Variants in CPNE2 observed in about 807,000 individuals in gnomAD.
CPNE2 encodes the protein copine-2.
A neutral mutation model predicts 69.7 loss-of-function variants in CPNE2; 42 were observed. That is an observed-to-expected ratio of 0.60 (90% CI 0.47 to 0.78). CPNE2 has a LOEUF of 0.78. Ranked by LOEUF, CPNE2 falls within the 30% of genes least tolerant of loss-of-function variation. The pLI is 0.00. For missense variants in CPNE2, 587 were observed against 732.0 expected, an observed-to-expected ratio of 0.80 and a Z score of 2.29; for synonymous variants, 294 against 289.8, an observed-to-expected ratio of 1.01 and a Z score of -0.15.
chr16:57,108,108 G>A (rs545078132), intron 1 of CPNE2, among the ~76,000 whole-genome samples: 1 of 152,234 alleles, frequency 6.6e-6, no homozygotes, highest in African/African-American at 2.4e-5. Context: ...GACTTCAAGT[G>A]ATCCACCTGC....
intron 13 of CPNE2, among the ~76,000 whole-genome samples, chr16:57,135,703 G>A (rs565602770): frequency 2.6e-5 from 4 of 151,374 alleles, no homozygotes; most frequent in South Asian, 4.2e-4. Flanking sequence ...GTGAAACCCC[G>A]TCTGTACTAA....
chr16:57,127,108 C>T lies in CPNE2; in HGVS notation c.1062-741C>T, dbSNP rs117892711. Among the ~76,000 whole-genome samples, 1,417 of 152,226 alleles carry T rather than the reference C, an allele frequency of 9.3e-3. 8 individuals are homozygous for T. The highest frequency in any genetic ancestry group is 0.015 in the Non-Finnish European group (1,024 of 68,014). On this transcript the variant is annotated intron_variant, in intron 11 of 15. Coordinates refer to ENST00000290776, the MANE Select transcript of CPNE2 (RefSeq NM_152727.6). ...AAGAGGAAGATAAGGAAGAAATCGT[C>T]GGAGTTCTGAGAGACCAGTTTACAT...
rs1327599039 is a variant in CPNE2, at chr16:57,146,258, C to T, written c.1476C>T (p.Ser492=). The T allele has an allele frequency of 1.3e-6, 2 of 1,557,698 alleles. No individual in the cohort carries two copies. The highest frequency in any genetic ancestry group is 1.4e-5 in the African/African-American group (1 of 73,386). The part of the protein sequence containing the change: ...FLDGDSRMLR[S]HTGEEAARDI... ...ATGGGGACAGCCGCATGCTGCGCTCCCACACGGGGGAGGAGGCAGCCCGCG... is the reference window on the plus strand; with the variant it reads ...ATGGGGACAGCCGCATGCTGCGCTCTCACACGGGGGAGGAGGCAGCCCGCG... The change falls in exon 15 of 16, where the codon TCC becomes TCT. Residue 492 remains serine, a synonymous_variant. Coordinates refer to ENST00000290776, the MANE Select transcript of CPNE2 (RefSeq NM_152727.6). The surrounding 1 kb of genome is among the most constrained non-coding windows in gnomAD (Gnocchi z 4.4).
intron 7 of CPNE2, among the ~76,000 whole-genome samples, chr16:57,120,725 A>G (rs1389902005): frequency 6.6e-6 from 1 of 152,164 alleles, no homozygotes; most frequent in Non-Finnish European, 1.5e-5. Flanking sequence ...CTCAGACAGC[A>G]TATAAAGCTG....
At chr16:57,098,404 C>T (rs1483605676) in intron 1 of CPNE2, among the ~76,000 whole-genome samples, 1 of 152,220 alleles carries the variant, frequency 6.6e-6, no homozygotes, top group Non-Finnish European at 1.5e-5. Context: ...AGCCTGCTCC[C>T]CGGGGGCTGC....
At chr16:57,137,306 T>C (rs1226534837) in intron 14 of CPNE2, 24 bp downstream of exon 14, 5 of 1,613,410 alleles carry the variant, frequency 3.1e-6, no homozygotes, top group Non-Finnish European at 4.2e-6. Context: ...TGCAAGCCAG[T>C]CATGCCAGGA....
chr16:57,125,632 A>C, intron 10 of CPNE2: 1 of 572,666 alleles, frequency 1.7e-6, no homozygotes, highest in Non-Finnish European at 3.1e-6. Flanking sequence ...TTATGTCATC[A>C]CATCTAGGCA....
In CPNE2 at chr16:57,117,518, A is replaced by G. The variant is rs1289770263; in HGVS notation, c.458A>G (p.Asp153Gly). 2 of 1,613,876 alleles carry G rather than the reference A, an allele frequency of 1.2e-6. No homozygotes were observed. Among genetic ancestry groups the G allele is most frequent in the Admixed American group, 1.7e-5 (1 of 59,990 alleles). The part of the protein sequence containing the change: ...LITIAAQELS[D>G]NRVITLSLAG... ...CAGATCGCTGCCCAGGAGCTGTCCGACAACCGCGTCATCACACTAAGCCTG... is the reference window on the plus strand; with the variant it reads ...CAGATCGCTGCCCAGGAGCTGTCCGGCAACCGCGTCATCACACTAAGCCTG... The change falls in exon 5 of 16, where the codon GAC (aspartate) becomes GGC (glycine). Residue 153 changes from aspartate to glycine, a missense_variant. By Grantham distance (94) the Asp-to-Gly change is moderately conservative. Coordinates refer to ENST00000290776, the MANE Select transcript of CPNE2 (RefSeq NM_152727.6).
Position 57,146,480 on chromosome 16 carries a change from G to A in CPNE2, c.1539+159G>A. The A allele has an allele frequency of 1.5e-6, 1 of 660,578 alleles. No homozygotes were observed. The highest frequency in any genetic ancestry group is 2.6e-6 in the Non-Finnish European group (1 of 390,512). The allele number at this position is 660,578 out of a possible 1,614,324, so 40.9% of individuals were successfully genotyped here. A position where few individuals can be genotyped will look rare whatever the true frequency, so the allele number is the denominator to read the frequency against. The stretch of plus-strand genomic sequence containing the variant: ...GGGCCTGCCATGTGCCAGGCGCCGT[G>A]CCAGGCCTTGCCCCGGTGGTGGCCA... On this transcript the variant is annotated intron_variant, in intron 15 of 15. Transcript: ENST00000290776. This position sits in a 1 kb window ranked among gnomAD's most constrained non-coding sequence, Gnocchi z 4.4.
intron 14 of CPNE2, among the ~76,000 whole-genome samples, chr16:57,138,135 G>T (rs2069896487): frequency 1.3e-5 from 2 of 152,190 alleles, no homozygotes; most frequent in African/African-American, 4.8e-5. Context: ...CCCAGATGCT[G>T]GTCTGGGTTG....
chr16:57,121,277 C>A, intron 8 of CPNE2, 86 bp downstream of exon 8: 1 of 1,109,640 alleles, frequency 9.0e-7, no homozygotes, highest in Non-Finnish European at 1.3e-6. Flanking sequence ...CAGCCTGGGG[C>A]TGAGATCCCC....
intron 14 of CPNE2, among the ~76,000 whole-genome samples, chr16:57,138,370 C>T (rs1182291977): frequency 2.6e-5 from 4 of 152,192 alleles, no homozygotes. Context: ...CCTCACACCA[C>T]CAGTCCACAA....
At chr16:57,122,627 G>A (rs1226223418) in intron 9 of CPNE2, among the ~76,000 whole-genome samples, 1 of 152,112 alleles carries the variant, frequency 6.6e-6, no homozygotes, top group Non-Finnish European at 1.5e-5. Context: ...GAGTCTCACT[G>A]TGTTGCCCAG....
intron 1 of CPNE2, among the ~76,000 whole-genome samples, chr16:57,104,090 T>C (rs559310975): frequency 2.4e-4 from 36 of 152,222 alleles, no homozygotes; most frequent in African/African-American, 8.4e-4. Context: ...CTAATTTTTG[T>C]ATTTTTAGTA....
chr16:57,125,646 G>A lies in CPNE2; in HGVS notation c.928-214G>A, dbSNP rs1050871682. The A allele has an allele frequency of 1.5e-5, 9 of 601,422 alleles. No individual in the cohort carries two copies. In the South Asian group the frequency reaches 1.8e-4, roughly 12 times the overall value. The allele number at this position is 601,422 out of a possible 1,614,324, so 37.3% of individuals were successfully genotyped here. ...CTTATGTCATCACATCTAGGCAGTG[G>A]ACTTTATGCTTGGGCAATAGAGAGC... On this transcript the variant is annotated intron_variant, in intron 10 of 15. Transcript: ENST00000290776.
chr16:57,102,127 A>AT (rs1355213616), intron 1 of CPNE2, among the ~76,000 whole-genome samples: 1 of 150,614 alleles, frequency 6.6e-6, no homozygotes, highest in Admixed American at 6.6e-5. Context: ...TTTTTTTGCC[A>AT]TTTTTTGTAG....
At position 57,146,011 on chromosome 16, in the gene CPNE2, G is replaced by A. The variant is rs2069954344; in HGVS notation, c.1303-74G>A. 1.6e-6 allele frequency: 2 copies of A among 1,284,916 alleles called. No homozygotes were observed. Among genetic ancestry groups the A allele is most frequent in the South Asian group, 2.6e-5 (2 of 77,808 alleles). 79.6% of individuals were successfully genotyped at this position (1,284,916 alleles called of 1,614,324 possible). A position where few individuals can be genotyped will look rare whatever the true frequency, so the allele number is the denominator to read the frequency against. ...CTTCCTCCAGGACTCGGAGGGTTTG[G>A]GATGAAGGAGGGAGGGAGAAGGGGT... On this transcript the variant is annotated intron_variant, in intron 14 of 15. Coordinates refer to ENST00000290776, the MANE Select transcript of CPNE2 (RefSeq NM_152727.6). This position sits in a 1 kb window ranked among gnomAD's most constrained non-coding sequence, Gnocchi z 4.4.
chr16:57,125,502 G>A (rs562592197), intron 10 of CPNE2: 16 of 389,074 alleles, frequency 4.1e-5, no homozygotes, highest in East Asian at 7.1e-5. Flanking sequence ...GGGAAGAAAC[G>A]ATAGCCTGGC....
chr16:57,134,735 G>T, intron 12 of CPNE2, 40 bp from the exon 13 acceptor site: 2 of 1,613,012 alleles, frequency 1.2e-6, no homozygotes, highest in Non-Finnish European at 8.5e-7. Flanking sequence ...CTGGGTTTGG[G>T]GGCGGGAGGC....
Sources: gnomAD v4.1 joint callset for allele counts (sites outside exome capture counted in the v4.1 genomes callset) on GRCh38, gnomAD v4.1.1 for gene constraint, Gnocchi (gnomAD v3.1) non-coding constraint, MANE v1.5 for transcripts, NCBI Gene and HGNC (gene_info 2026-07-23, HGNC 2026-07-21) for gene names.